Variants in FAM149A observed in about 807,000 individuals in gnomAD.
FAM149A encodes the protein family with sequence similarity 149 member A, also known as protein FAM149A.
Under a neutral mutation model 78.2 loss-of-function variants are expected in FAM149A, and 71 were observed. The observed-to-expected ratio is 0.91, with a 90% CI of 0.75 to 1.11. The LOEUF (loss-of-function observed/expected upper bound fraction) is 1.11. Among genes scored for constraint, FAM149A ranks in the 50% least tolerant of loss-of-function variants. The pLI is 0.00. For missense variants in FAM149A, 1,036 were observed against 971.0 expected (o/e 1.07, Z -0.89); for synonymous variants, 446 against 410.5 (o/e 1.09, Z -1.04).
chr4:186,116,661 G>A (rs994948766), intron 1 of FAM149A: 80 of 963,442 alleles, frequency 8.3e-5, no homozygotes, highest in Non-Finnish European at 9.7e-5. Context: ...GCAGCGGCAC[G>A]ATCTCGGCTC....
intron 1 of FAM149A, chr4:186,116,705 C>T: frequency 1.0e-6 from 1 of 965,698 alleles, no homozygotes; most frequent in South Asian, 4.8e-5. Context: ...TAAAGTGATT[C>T]TCCTGCCTCA....
chr4:186,139,980 A>C (rs2099325107), intron 1 of FAM149A, among the ~76,000 whole-genome samples: 1 of 146,580 alleles, frequency 6.8e-6, no homozygotes, highest in South Asian at 2.1e-4. Context: ...TCCACCTAAC[A>C]AAAAAAACCA....
chr4:186,151,357 C>T (rs1277150957), intron 3 of FAM149A, among the ~76,000 whole-genome samples: 1 of 152,208 alleles, frequency 6.6e-6, no homozygotes, highest in Non-Finnish European at 1.5e-5. Context: ...CATTAATACT[C>T]AGGCCTCACC....
intron 1 of FAM149A, chr4:186,123,342 A>G (rs1037150840): frequency 1.0e-6 from 1 of 985,450 alleles, no homozygotes; most frequent in African/African-American, 1.7e-5. Flanking sequence ...TCTTGTCTGT[A>G]CCTTTATGAG....
intron 1 of FAM149A, among the ~76,000 whole-genome samples, chr4:186,129,451 A>G (rs1362748367): frequency 6.6e-6 from 1 of 152,218 alleles, no homozygotes; most frequent in Non-Finnish European, 1.5e-5. Flanking sequence ...TGTGATTCAT[A>G]TCACACACCG....
chr4:186,124,022 G>T (rs1355361341), intron 1 of FAM149A: 1 of 985,134 alleles, frequency 1.0e-6, no homozygotes, highest in East Asian at 1.1e-4. Context: ...CACTCACACA[G>T]ACAATGAGAA....
At chr4:186,124,824 T>C (rs1279117851) in intron 1 of FAM149A, among the ~76,000 whole-genome samples, 1 of 152,130 alleles carries the variant, frequency 6.6e-6, no homozygotes, top group Non-Finnish European at 1.5e-5. Flanking sequence ...TTCTAGATCC[T>C]TGAGGAATTG....
chr4:186,158,446 C>A, intron 8 of FAM149A: 1 of 1,146,522 alleles, frequency 8.7e-7, no homozygotes, highest in Non-Finnish European at 1.1e-6. Context: ...TGACACCATC[C>A]CCCAGGAACA....
intron 1 of FAM149A, among the ~76,000 whole-genome samples, chr4:186,143,069 A>C (rs2099326516): frequency 1.3e-5 from 2 of 151,924 alleles, no homozygotes; most frequent in African/African-American, 4.8e-5. Context: ...ATATGTAAGA[A>C]TATATGTAAA....
chr4:186,138,543 T>C (rs1274958196), intron 1 of FAM149A, among the ~76,000 whole-genome samples: 2 of 152,156 alleles, frequency 1.3e-5, no homozygotes, highest in African/African-American at 2.4e-5. Context: ...CAGGGTCCAC[T>C]TGACATTACA....
chr4:186,134,929 CA>C (rs1443622015), intron 1 of FAM149A, among the ~76,000 whole-genome samples: 1 of 152,170 alleles, frequency 6.6e-6, no homozygotes, highest in Non-Finnish European at 1.5e-5. Context: ...TTCCTGGGCT[CA>C]AGCAGTTTTT....
intron 1 of FAM149A, among the ~76,000 whole-genome samples, chr4:186,121,579 A>G (rs1257722849): frequency 6.6e-6 from 1 of 152,236 alleles, no homozygotes; most frequent in East Asian, 1.9e-4. Context: ...TCAGAATTAC[A>G]TTGAGAAGAT....
chr4:186,137,059 G>A (rs1447236832), intron 1 of FAM149A, among the ~76,000 whole-genome samples: 1 of 144,508 alleles, frequency 6.9e-6, no homozygotes, highest in African/African-American at 2.6e-5. Flanking sequence ...TACATATTCA[G>A]GAAATGTTAG....
In FAM149A at chr4:186,172,468, C is replaced by A. The variant is rs1462228036; in HGVS notation, c.*481C>A. On this transcript the variant is annotated 3_prime_UTR_variant, in exon 14 of 14. Transcript: ENST00000389354. ...ATGTCAGAGTCTGAATAAGACTCAGCTTGTTCTAGTCATGCTGAGTTTCTC... is the reference window on the plus strand; with the variant it reads ...ATGTCAGAGTCTGAATAAGACTCAGATTGTTCTAGTCATGCTGAGTTTCTC... The A allele has an allele frequency of 8.9e-6, 1 of 112,300 alleles. No individual in the cohort carries two copies. The highest frequency in any genetic ancestry group is 2.8e-5 in the African/African-American group (1 of 35,760). 7.0% of individuals were successfully genotyped at this position (112,300 alleles called of 1,614,324 possible).
At position 186,144,682 on chromosome 4, in the gene FAM149A, C is replaced by A. The variant is rs531404503; in HGVS notation, c.567-4491C>A. On this transcript the variant is annotated intron_variant, in intron 1 of 13. Transcript: ENST00000389354. The surrounding 1 kb of genome is among the most constrained non-coding windows in gnomAD (Gnocchi z 4.2). ...TGGCCGCTGGGTTGGAAACCCGGCC[C>A]GGCAGGGAGCGGGGAAGGCGCGCTT... is the stretch of plus-strand genomic sequence containing the variant. The A allele has an allele frequency of 1.1e-5, 5 of 473,384 alleles. No individual in the cohort carries two copies. The South Asian group carries it at 2.5e-4, about 23-fold the overall frequency. The allele number at this position is 473,384 out of a possible 1,614,324, so 29.3% of individuals were successfully genotyped here.
intron 1 of FAM149A, among the ~76,000 whole-genome samples, chr4:186,108,425 A>C (rs1235871146): frequency 6.7e-6 from 1 of 150,360 alleles, no homozygotes; most frequent in Non-Finnish European, 1.5e-5. Flanking sequence ...AAAAAAAAAA[A>C]CAAAAAACTA....
At chr4:186,161,762 C>G (rs920545596) in intron 8 of FAM149A, among the ~76,000 whole-genome samples, 1 of 152,310 alleles carries the variant, frequency 6.6e-6, no homozygotes, top group Middle Eastern at 3.4e-3. Flanking sequence ...CTTTGAAATA[C>G]TCAAGGTGTT....
chr4:186,124,528 C>T (rs1233182671), intron 1 of FAM149A, among the ~76,000 whole-genome samples: 1 of 151,352 alleles, frequency 6.6e-6, no homozygotes, highest in Admixed American at 6.6e-5. Flanking sequence ...GGTTTCTGTC[C>T]TTGTGACAGT....
At chr4:186,116,659 A>T in intron 1 of FAM149A, 1 of 964,964 alleles carries the variant, frequency 1.0e-6, no homozygotes, top group South Asian at 4.8e-5. Flanking sequence ...GGGCAGCGGC[A>T]CGATCTCGGC....
Sources: gnomAD v4.1 joint callset for allele counts (sites outside exome capture counted in the v4.1 genomes callset) on GRCh38, gnomAD v4.1.1 for gene constraint, Gnocchi (gnomAD v3.1) non-coding constraint, MANE v1.5 for transcripts, NCBI Gene and HGNC (gene_info 2026-07-23, HGNC 2026-07-21) for gene names.